BPTF: variants seen among roughly 807,000 people sequenced by gnomAD.
BPTF encodes the protein nucleosome-remodeling factor subunit BPTF.
A neutral mutation model predicts 292.5 loss-of-function variants in BPTF; 18 were observed. The observed-to-expected ratio is 0.06, with a 90% CI of 0.04 to 0.09. The LOEUF is 0.09. Among genes scored for constraint, BPTF ranks in the 10% least tolerant of loss-of-function variants. The pLI, the probability that BPTF is intolerant of heterozygous loss-of-function variation, is 1.00. For synonymous variants in BPTF, 1,225 were observed against 1,251.9 expected, an observed-to-expected ratio of 0.98 and a Z score of 0.45; for missense variants, 2,726 against 3,498.7, an observed-to-expected ratio of 0.78 and a Z score of 5.57.
At chr17:67,898,661 CTTTT>C (rs11289448) in intron 7 of BPTF, among the ~76,000 whole-genome samples, 1 of 136,828 alleles carries the variant, frequency 7.3e-6, no homozygotes, top group Non-Finnish European at 1.6e-5. Context: ...TATATGAAGT[CTTTT>C]TTTTTTTTTT....
Position 67,911,438 on chromosome 17 carries a change from T to C in BPTF, c.3554T>C (p.Ile1185Thr). Residue 1185 changes from isoleucine to threonine, a missense_variant, in exon 11 of 28, where the codon ATT becomes ACT. Transcript: ENST00000306378. ...PETKCPKQNS[I>T]ENDIEEKVSD... ...ACAAAATGTCCGAAACAAAATTCCA[T>C]TGAAAATGACATAGAAGAAAAAGTC... is the stretch of plus-strand genomic sequence containing the variant. 6.2e-7 allele frequency: 1 copy of C among 1,614,068 alleles called. No individual in the cohort carries two copies. The highest frequency in any genetic ancestry group is 8.5e-7 in the Non-Finnish European group (1 of 1,180,006).
chr17:67,918,964 A>G, intron 12 of BPTF, 126 bp downstream of exon 12: 1 of 938,908 alleles, frequency 1.1e-6, no homozygotes, highest in Non-Finnish European at 1.5e-6. Context: ...TGAGGTCAGG[A>G]GATCCTGACC....
chr17:67,891,284 A>G (rs2061090904), intron 4 of BPTF, among the ~76,000 whole-genome samples: 1 of 152,196 alleles, frequency 6.6e-6, no homozygotes, highest in Admixed American at 6.5e-5. Flanking sequence ...TTTACTAGGA[A>G]AATGTTGAGA....
intron 1 of BPTF, among the ~76,000 whole-genome samples, chr17:67,831,272 A>G (rs1291843759): frequency 1.3e-5 from 2 of 152,178 alleles, no homozygotes; most frequent in African/African-American, 4.8e-5. Context: ...CTCCCTAAGA[A>G]TGGTAGCACT....
intron 18 of BPTF, among the ~76,000 whole-genome samples, chr17:67,939,542 A>G (rs2065194546): frequency 6.6e-6 from 1 of 152,202 alleles, no homozygotes; most frequent in Non-Finnish European, 1.5e-5. Context: ...TTCCAGTTCA[A>G]CTTCATTCAT....
chr17:67,826,580 TC>T (rs11414914), intron 1 of BPTF, among the ~76,000 whole-genome samples: 28,183 of 137,484 alleles, frequency 0.2, 3,861 homozygotes, highest in East Asian at 0.68. Flanking sequence ...TCGCTCTCTC[TC>T]CCCCCCCCAA....
At chr17:67,906,974 A>G (rs948880265) in intron 9 of BPTF, among the ~76,000 whole-genome samples, 1 of 152,146 alleles carries the variant, frequency 6.6e-6, no homozygotes, top group Non-Finnish European at 1.5e-5. Flanking sequence ...AGTTGAGCCC[A>G]GGAGTTCAAG....
chr17:67,982,011 ATATATATATATATT>A (rs1568245922), intron 27 of BPTF: 1 of 139,408 alleles, frequency 7.2e-6, no homozygotes, highest in Non-Finnish European at 1.5e-5. Context: ...ATATATATAT[ATATATATATATATT>A]TAAATATTGG....
intron 1 of BPTF, among the ~76,000 whole-genome samples, chr17:67,845,086 A>G (rs1351197973): frequency 2.0e-5 from 3 of 152,134 alleles, no homozygotes; most frequent in Non-Finnish European, 2.9e-5. Context: ...TATACTTGTG[A>G]TAGGAATGCT....
At chr17:67,879,136 CTTTTTTTT>C (rs58205471) in intron 4 of BPTF, among the ~76,000 whole-genome samples, 3 of 118,998 alleles carry the variant, frequency 2.5e-5, no homozygotes, top group Admixed American at 1.7e-4. Context: ...TTAATTATTT[CTTTTTTTT>C]TTTTTTTTTC....
intron 1 of BPTF, among the ~76,000 whole-genome samples, chr17:67,849,301 T>C (rs189905005): frequency 6.0e-4 from 91 of 152,338 alleles, no homozygotes; most frequent in Admixed American, 1.3e-3. Flanking sequence ...GGGCAGCTTT[T>C]CAAACTTCAG....
At chr17:67,948,352 G>A (rs1555676687) in intron 23 of BPTF, 46 bp downstream of exon 23, 1 of 1,504,750 alleles carries the variant, frequency 6.6e-7, no homozygotes, top group Non-Finnish European at 8.9e-7. Context: ...TTTAACATCT[G>A]AGGTTCTGCT....
intron 23 of BPTF, 134 bp from the exon 24 acceptor site, chr17:67,959,407 A>G (rs977904805): frequency 6.2e-5 from 39 of 625,718 alleles, no homozygotes; most frequent in Non-Finnish European, 8.8e-5. Context: ...CTTGTTTGCA[A>G]CTAACTAAAA....
At chr17:67,828,060 C>T (rs987890244) in intron 1 of BPTF, among the ~76,000 whole-genome samples, 3 of 150,756 alleles carry the variant, frequency 2.0e-5, no homozygotes, top group African/African-American at 7.3e-5. Flanking sequence ...GCCTCCTGAG[C>T]AGCTGGGATT....
intron 1 of BPTF, among the ~76,000 whole-genome samples, chr17:67,834,089 CCTT>C (rs988090429): frequency 1.3e-5 from 2 of 152,184 alleles, no homozygotes; most frequent in Admixed American, 6.5e-5. Context: ...CCATCCATCA[CCTT>C]CTCCAGCCTG....
intron 7 of BPTF, among the ~76,000 whole-genome samples, chr17:67,903,488 G>A (rs2061986427): frequency 6.6e-6 from 1 of 152,132 alleles, no homozygotes; most frequent in African/African-American, 2.4e-5. Flanking sequence ...AATATGTAAT[G>A]GACTATGTAA....
intron 23 of BPTF, among the ~76,000 whole-genome samples, chr17:67,952,365 G>A (rs1177884104): frequency 6.6e-6 from 1 of 150,610 alleles, no homozygotes; most frequent in Non-Finnish European, 1.5e-5. Context: ...CTGGGTTCAA[G>A]CAATTGTCCT....
Position 67,982,864 on chromosome 17 carries a change from CAT to C in BPTF, c.*577_*578del, listed in dbSNP as rs2070572788. Reference sequence around the variant, plus strand: ...TCTATGAAAGGAGCTGCTATGTACACATGTGCACACACACACAACTGGGAATC... The same window carrying C: ...TCTATGAAAGGAGCTGCTATGTACACGTGCACACACACACAACTGGGAATC... On this transcript the variant is annotated 3_prime_UTR_variant, in exon 28 of 28. Transcript: ENST00000306378. The C allele has an allele frequency of 6.6e-6, 1 of 152,644 alleles. No homozygotes were observed. Among genetic ancestry groups the C allele is most frequent in the African/African-American group, 2.4e-5 (1 of 41,420 alleles). The allele number at this position is 152,644 out of a possible 1,614,324, so 9.5% of individuals were successfully genotyped here.
At chr17:67,976,958 G>A (rs1365260426) in intron 27 of BPTF, among the ~76,000 whole-genome samples, 6 of 152,064 alleles carry the variant, frequency 3.9e-5, no homozygotes, top group South Asian at 2.1e-4. Flanking sequence ...TACATACATC[G>A]CTATAAAATT....
Sources: allele counts gnomAD v4.1 joint callset (sites outside exome capture counted in the v4.1 genomes callset), GRCh38; gene constraint gnomAD v4.1.1; transcripts MANE v1.5; gene names NCBI Gene and HGNC (gene_info 2026-07-23, HGNC 2026-07-21).